DOCK1: variants seen among roughly 807,000 people sequenced by gnomAD.
DOCK1 encodes dedicator of cytokinesis protein 1.
DOCK1 carries 138 observed loss-of-function variants against 262.7 expected under a neutral mutation model. That is an observed-to-expected ratio of 0.53 (90% CI 0.46 to 0.61). The LOEUF is 0.61. Ranked by LOEUF, DOCK1 falls within the 20% of genes least tolerant of loss-of-function variation. DOCK1 has a pLI of 0.00. For synonymous variants in DOCK1, 866 were observed against 867.4 expected, an observed-to-expected ratio of 1.00 and a Z score of 0.03; for missense variants, 1,908 against 2,370.7, an observed-to-expected ratio of 0.80 and a Z score of 4.05.
intron 41 of DOCK1, 63 bp downstream of exon 41, chr10:127,409,241 G>A: frequency 1.9e-6 from 3 of 1,612,142 alleles, no homozygotes; most frequent in Non-Finnish European, 1.7e-6. Context: ...TTGGGTGGTT[G>A]GGTGTGGTGG....
At chr10:127,020,763 A>C (rs1367827923) in intron 13 of DOCK1, among the ~76,000 whole-genome samples, 1 of 152,102 alleles carries the variant, frequency 6.6e-6, no homozygotes, top group Non-Finnish European at 1.5e-5. Context: ...CGCTGTGGGC[A>C]CCAGAGAGAG....
At chr10:126,952,306 C>T (rs1179955590) in intron 1 of DOCK1, among the ~76,000 whole-genome samples, 7 of 148,556 alleles carry the variant, frequency 4.7e-5, no homozygotes, top group East Asian at 2.0e-4. Context: ...GTGGTGGTGG[C>T]AGTAGTATTG....
intron 1 of DOCK1, among the ~76,000 whole-genome samples, chr10:126,952,769 TGTG>T (rs1470277373): frequency 7.1e-4 from 106 of 148,756 alleles, no homozygotes; most frequent in South Asian, 2.2e-3. Context: ...TTGTTGGTGA[TGTG>T]GTAGTATTGT....
chr10:127,279,206 C>G (rs1270525928), intron 29 of DOCK1, among the ~76,000 whole-genome samples: 1 of 152,170 alleles, frequency 6.6e-6, no homozygotes, highest in Non-Finnish European at 1.5e-5. Context: ...AGGTGGATTT[C>G]TCACAAATTA....
At chr10:127,034,752 C>CG (rs1262814218) in intron 18 of DOCK1, among the ~76,000 whole-genome samples, 1 of 152,142 alleles carries the variant, frequency 6.6e-6, no homozygotes, top group African/African-American at 2.4e-5. Context: ...AAAGCATGCT[C>CG]GGAAGTCATT....
intron 27 of DOCK1, among the ~76,000 whole-genome samples, chr10:127,155,417 A>G (rs1410458843): frequency 3.3e-5 from 5 of 152,094 alleles, no homozygotes; most frequent in African/African-American, 9.7e-5. Context: ...GTGATTCATC[A>G]TATTTCAGCC....
intron 23 of DOCK1, among the ~76,000 whole-genome samples, chr10:127,087,938 C>T (rs532091827): frequency 6.6e-6 from 1 of 152,228 alleles, no homozygotes; most frequent in East Asian, 1.9e-4. Flanking sequence ...ATTTAATTCT[C>T]TCTGATGATC....
At chr10:127,298,745 C>T (rs954324435) in intron 29 of DOCK1, among the ~76,000 whole-genome samples, 16 of 152,270 alleles carry the variant, frequency 1.1e-4, no homozygotes, top group Middle Eastern at 6.8e-3. Flanking sequence ...TATTACAAAG[C>T]CCAGGGCCTG....
intron 27 of DOCK1, among the ~76,000 whole-genome samples, chr10:127,239,639 ATCT>A (rs1487063323): frequency 6.6e-6 from 1 of 152,134 alleles, no homozygotes; most frequent in East Asian, 1.9e-4. Flanking sequence ...AGACATATTG[ATCT>A]TCTCTTCAAT....
intron 30 of DOCK1, among the ~76,000 whole-genome samples, chr10:127,341,216 A>T (rs2135742030): frequency 6.6e-6 from 1 of 152,334 alleles, no homozygotes; most frequent in Non-Finnish European, 1.5e-5. Flanking sequence ...TTCCCCAATG[A>T]TTGGAAATGC....
In DOCK1 at chr10:127,419,686, C is replaced by A; in HGVS notation, c.4713C>A (p.Tyr1571Ter). 1 of 1,605,678 alleles carries A rather than the reference C, an allele frequency of 6.2e-7. No individual in the cohort carries two copies. Among genetic ancestry groups the A allele is most frequent in the South Asian group, 1.1e-5 (1 of 89,066 alleles). The change falls in exon 46 of 52, where the codon TAC becomes TAA. Residue 1571 changes from tyrosine to a stop codon, truncating the protein, a stop_gained. Coordinates refer to ENST00000623213, the MANE Select transcript of DOCK1 (RefSeq NM_001290223.2). LOFTEE classifies it high-confidence loss of function. ...ACCAGGCCTTCTTTACAGACCGGTA[C>A]CTGCAGGAGCACCCTGAGGCCCATG... ...NYEKAFFTDR[Y>*]LQEHPEAHEK... is the part of the protein sequence containing the mutation.
At chr10:126,973,877 ATT>A (rs942881803) in intron 2 of DOCK1, among the ~76,000 whole-genome samples, 7 of 151,312 alleles carry the variant, frequency 4.6e-5, no homozygotes, top group African/African-American at 1.7e-4. Flanking sequence ...AGCAAGTTTG[ATT>A]TTCTTTTTTT....
intron 1 of DOCK1, among the ~76,000 whole-genome samples, chr10:126,938,446 C>T (rs2034704638): frequency 6.6e-6 from 1 of 152,186 alleles, no homozygotes; most frequent in South Asian, 2.1e-4. Context: ...TCTGTTGAAA[C>T]CGTTTGACCT....
intron 45 of DOCK1, among the ~76,000 whole-genome samples, chr10:127,418,781 C>A (rs1015801891): frequency 6.6e-6 from 1 of 152,254 alleles, no homozygotes; most frequent in African/African-American, 2.4e-5. Flanking sequence ...CCCCCACTGA[C>A]CCACCCAGGC....
At chr10:127,097,001 A>T (rs1191202424) in intron 23 of DOCK1, among the ~76,000 whole-genome samples, 1 of 152,144 alleles carries the variant, frequency 6.6e-6, no homozygotes, top group Non-Finnish European at 1.5e-5. Context: ...GCTACTCAGG[A>T]GGCTGAGACA....
chr10:127,066,032 C>T (rs549479732), intron 23 of DOCK1, among the ~76,000 whole-genome samples: 5 of 152,182 alleles, frequency 3.3e-5, no homozygotes, highest in Admixed American at 3.3e-4. Context: ...TCACCTTGAG[C>T]TGCCCCTTCA....
intron 29 of DOCK1, among the ~76,000 whole-genome samples, chr10:127,305,149 C>T (rs1371347897): frequency 6.6e-6 from 1 of 152,094 alleles, no homozygotes. Flanking sequence ...TTTATTATAG[C>T]CTTTGTAAAG....
chr10:127,409,589 T>C (rs1489002535), intron 42 of DOCK1, among the ~76,000 whole-genome samples, 198 bp downstream of exon 42: 3 of 152,200 alleles, frequency 2.0e-5, no homozygotes, highest in Non-Finnish European at 2.9e-5. Flanking sequence ...TGTTAATCCA[T>C]GTGCTGGGAG....
chr10:127,119,338 G>A (rs570641655), intron 25 of DOCK1, among the ~76,000 whole-genome samples: 5 of 152,136 alleles, frequency 3.3e-5, no homozygotes, highest in Non-Finnish European at 7.3e-5. Context: ...GAGCCACCGC[G>A]CCCGGCCGGA....
Sources: gnomAD v4.1 joint callset for allele counts (sites outside exome capture counted in the v4.1 genomes callset) on GRCh38, gnomAD v4.1.1 for gene constraint, MANE v1.5 for transcripts, NCBI Gene and HGNC (gene_info 2026-07-23, HGNC 2026-07-21) for gene names.